UNC5D: variants seen among roughly 807,000 people sequenced by gnomAD.
UNC5D encodes the protein unc-5 netrin receptor D, also known as netrin receptor UNC5D.
In UNC5D, 39 loss-of-function variants were observed where a neutral mutation model predicts 105.4. That is an observed-to-expected ratio of 0.37 (90% CI 0.29 to 0.48). The LOEUF (loss-of-function observed/expected upper bound fraction) is 0.48. UNC5D is among the 20% of genes least tolerant of loss of function. The pLI is 0.98. For synonymous variants in UNC5D, 452 were observed against 450.4 expected, an observed-to-expected ratio of 1.00 and a Z score of -0.04; for missense variants, 991 against 1,202.4, an observed-to-expected ratio of 0.82 and a Z score of 2.60.
At chr8:35,732,882 G>A (rs1481625052) in intron 11 of UNC5D, among the ~76,000 whole-genome samples, 2 of 152,074 alleles carry the variant, frequency 1.3e-5, no homozygotes, top group African/African-American at 4.8e-5. Flanking sequence ...GTAAGAGAGA[G>A]GAACACCTAG....
At chr8:35,591,993 A>G (rs963750398) in intron 3 of UNC5D, among the ~76,000 whole-genome samples, 2 of 152,170 alleles carry the variant, frequency 1.3e-5, no homozygotes, top group African/African-American at 4.8e-5. Context: ...CCCTTTGCCT[A>G]CTTAATCTTC....
At chr8:35,298,852 C>T (rs1047153516) in intron 1 of UNC5D, among the ~76,000 whole-genome samples, 9 of 152,172 alleles carry the variant, frequency 5.9e-5, no homozygotes, top group Admixed American at 5.2e-4. Flanking sequence ...GGTACTTGAA[C>T]ATTAACAAAG....
At chr8:35,456,310 G>T (rs1271577819) in intron 1 of UNC5D, among the ~76,000 whole-genome samples, 4 of 152,156 alleles carry the variant, frequency 2.6e-5, no homozygotes, top group African/African-American at 9.7e-5. Context: ...TTAAAACACA[G>T]ATTGCTGGCT....
At chr8:35,643,453 A>G (rs1822872660) in intron 4 of UNC5D, among the ~76,000 whole-genome samples, 2 of 152,140 alleles carry the variant, frequency 1.3e-5, no homozygotes, top group Non-Finnish European at 2.9e-5. Flanking sequence ...AGTAGCTGGG[A>G]CTACAGGCAC....
At chr8:35,474,071 A>C (rs1231695487) in intron 1 of UNC5D, among the ~76,000 whole-genome samples, 3 of 152,182 alleles carry the variant, frequency 2.0e-5, no homozygotes, top group Non-Finnish European at 4.4e-5. Context: ...TCCCAACACC[A>C]CTGAATTGGA....
chr8:35,335,971 G>A (rs956372616), intron 1 of UNC5D, among the ~76,000 whole-genome samples: 1 of 151,962 alleles, frequency 6.6e-6, no homozygotes, highest in Non-Finnish European at 1.5e-5. Context: ...CACCGTGTTA[G>A]CCAGGATGGT....
At chr8:35,380,706 G>A (rs2128931881) in intron 1 of UNC5D, among the ~76,000 whole-genome samples, 1 of 152,230 alleles carries the variant, frequency 6.6e-6, no homozygotes, top group East Asian at 1.9e-4. Context: ...AGATGATAGA[G>A]GGTGATTCTG....
Position 35,430,701 on chromosome 8 carries a change from A to C in UNC5D, c.104-118591A>C, listed in dbSNP as rs139505137. ...TGATTGCTCACTTGGTGGGTGGGGG[A>C]AAAACCTCCACATATATATGGTCAC... is the stretch of plus-strand genomic sequence containing the variant. On this transcript the variant is annotated intron_variant, in intron 1 of 16. Coordinates refer to ENST00000404895, the MANE Select transcript of UNC5D (RefSeq NM_080872.4). Among the ~76,000 whole-genome samples, 22 of 152,246 alleles carry C rather than the reference A, an allele frequency of 1.4e-4. No individual in the cohort carries two copies. In the East Asian group the frequency reaches 4.1e-3, roughly 28 times the overall value.
intron 1 of UNC5D, among the ~76,000 whole-genome samples, chr8:35,544,792 G>T (rs1341456541): frequency 6.6e-6 from 1 of 151,632 alleles, no homozygotes; most frequent in East Asian, 1.9e-4. Flanking sequence ...TAGTAGAGAC[G>T]GGGTTTCACC....
chr8:35,376,508 G>T (rs957213983), intron 1 of UNC5D, among the ~76,000 whole-genome samples: 3 of 152,140 alleles, frequency 2.0e-5, no homozygotes, highest in Non-Finnish European at 4.4e-5. Context: ...AAACATAGAT[G>T]ATATGTATGT....
At chr8:35,693,826 A>G (rs111783612) in intron 7 of UNC5D, among the ~76,000 whole-genome samples, 1 of 152,158 alleles carries the variant, frequency 6.6e-6, no homozygotes, top group African/African-American at 2.4e-5. Context: ...CACTTCAGAA[A>G]CATAATCTCT....
intron 4 of UNC5D, among the ~76,000 whole-genome samples, chr8:35,673,452 G>A (rs1022116155): frequency 5.3e-5 from 8 of 152,146 alleles, no homozygotes; most frequent in Admixed American, 2.6e-4. Context: ...TCACTAAGAC[G>A]CCTAAGAAAA....
chr8:35,250,671 A>G (rs1186144601), intron 1 of UNC5D, among the ~76,000 whole-genome samples: 2 of 151,804 alleles, frequency 1.3e-5, no homozygotes, highest in African/African-American at 2.4e-5. Context: ...ATTTTTTTCT[A>G]TTTTTAGTAG....
intron 1 of UNC5D, among the ~76,000 whole-genome samples, chr8:35,284,795 C>G (rs1015763073): frequency 2.6e-5 from 4 of 152,100 alleles, no homozygotes; most frequent in African/African-American, 4.8e-5. Context: ...ATTTCCTGAC[C>G]TCGTGACCCG....
At chr8:35,647,769 T>C (rs1272678674) in intron 4 of UNC5D, among the ~76,000 whole-genome samples, 1 of 152,124 alleles carries the variant, frequency 6.6e-6, no homozygotes. Context: ...TAGAAATAAT[T>C]ATAGGGAGTG....
intron 16 of UNC5D, among the ~76,000 whole-genome samples, chr8:35,776,286 A>AT (rs1050453095): frequency 6.6e-6 from 1 of 152,192 alleles, no homozygotes; most frequent in Non-Finnish European, 1.5e-5. Flanking sequence ...AAAGTTTATG[A>AT]TTTTTTAAGT....
At chr8:35,716,341 GC>G in intron 8 of UNC5D, among the ~76,000 whole-genome samples, 1 of 152,190 alleles carries the variant, frequency 6.6e-6, no homozygotes, top group Non-Finnish European at 1.5e-5. Context: ...AGAGAAGTCA[GC>G]ATAAGGTTAG....
chr8:35,347,738 CT>C (rs1455187118), intron 1 of UNC5D, among the ~76,000 whole-genome samples: 1 of 151,952 alleles, frequency 6.6e-6, no homozygotes, highest in Non-Finnish European at 1.5e-5. Context: ...AAGATCGGTG[CT>C]CTTTGTACTT....
intron 1 of UNC5D, among the ~76,000 whole-genome samples, chr8:35,412,670 G>A (rs1344556664): frequency 1.3e-5 from 2 of 152,166 alleles, no homozygotes; most frequent in African/African-American, 2.4e-5. Context: ...AGCACTATGA[G>A]GCCTTTAGGA....
Sources: gnomAD v4.1 joint callset for allele counts (sites outside exome capture counted in the v4.1 genomes callset) on GRCh38, gnomAD v4.1.1 for gene constraint, MANE v1.5 for transcripts, NCBI Gene and HGNC (gene_info 2026-07-23, HGNC 2026-07-21) for gene names.